ANXA8: variants seen among roughly 807,000 people sequenced by gnomAD.
ANXA8 encodes the protein VAC-beta.
ANXA8 carries 9 observed loss-of-function variants against 26.8 expected under a neutral mutation model. The observed-to-expected ratio is 0.34, with a 90% CI of 0.20 to 0.59. The LOEUF (loss-of-function observed/expected upper bound fraction) is 0.59. Among genes scored for constraint, ANXA8 ranks in the 20% least tolerant of loss-of-function variants. The pLI, the probability that ANXA8 is intolerant of heterozygous loss-of-function variation, is 0.84. For synonymous variants in ANXA8, 39 were observed against 94.8 expected, an observed-to-expected ratio of 0.41 and a Z score of 3.42; for missense variants, 83 against 238.5, an observed-to-expected ratio of 0.35 and a Z score of 4.29.
At chr10:47,973,128 G>C in the ANXA8 span, 2 of 146,610 alleles carry the variant, frequency 1.4e-5, no homozygotes, top group African/African-American at 2.5e-5. Flanking sequence ...ACACACACCT[G>C]CCTTCTCAAA....
the ANXA8 span, among the ~76,000 whole-genome samples, chr10:47,719,174 T>C: frequency 7.4e-6 from 1 of 134,800 alleles, no homozygotes. Flanking sequence ...TTTTTTTTTT[T>C]TTTGAGACGG....
the ANXA8 span, chr10:47,565,488 G>A: frequency 1.0e-5 from 4 of 394,062 alleles, no homozygotes; most frequent in East Asian, 1.4e-4. Context: ...GGCGGCCCGG[G>A]CCCAGCGACC....
At chr10:47,681,672 C>T in the ANXA8 span, among the ~76,000 whole-genome samples, 1 of 128,692 alleles carries the variant, frequency 7.8e-6, no homozygotes, top group African/African-American at 2.9e-5. Flanking sequence ...GCTGGGACTA[C>T]AGGCACATAC....
chr10:47,682,178 T>C, the ANXA8 span, among the ~76,000 whole-genome samples: 1 of 132,970 alleles, frequency 7.5e-6, no homozygotes, highest in Non-Finnish European at 1.6e-5. Flanking sequence ...TAGTATTTCA[T>C]TGTTATTTAA....
chr10:47,974,848 A>C, the ANXA8 span, among the ~76,000 whole-genome samples: 1 of 149,768 alleles, frequency 6.7e-6, no homozygotes, highest in Non-Finnish European at 1.5e-5. Flanking sequence ...TTCTGTGTAC[A>C]GATAGGAAGA....
chr10:47,948,429 A>T, the ANXA8 span, among the ~76,000 whole-genome samples: 14 of 122,480 alleles, frequency 1.1e-4, no homozygotes, highest in Non-Finnish European at 2.0e-4. Flanking sequence ...AGAAAAATTA[A>T]AAAGGAAATA....
At chr10:47,559,742 A>G in the ANXA8 span, among the ~76,000 whole-genome samples, 4 of 151,892 alleles carry the variant, frequency 2.6e-5, no homozygotes, top group Non-Finnish European at 5.9e-5. Flanking sequence ...TAAAATGAAA[A>G]TGTGTCTTCT....
intron 11 of ANXA8, among the ~76,000 whole-genome samples, chr10:47,471,033 CAG>C (rs1273127284): frequency 2.1e-5 from 1 of 48,330 alleles, no homozygotes; most frequent in Non-Finnish European, 4.0e-5. Flanking sequence ...GAGTGGGACA[CAG>C]GGGAGCCTCT....
the ANXA8 span, among the ~76,000 whole-genome samples, chr10:47,776,208 C>T: frequency 6.6e-6 from 1 of 150,506 alleles, no homozygotes; most frequent in Non-Finnish European, 1.5e-5. Flanking sequence ...AATCCTCATG[C>T]ATCCTTATAA....
At chr10:47,691,199 G>A in the ANXA8 span, 1 of 1,519,612 alleles carries the variant, frequency 6.6e-7, no homozygotes, top group Non-Finnish European at 9.1e-7. Flanking sequence ...GGCATTTACA[G>A]TGTTTCTTGG....
At chr10:47,648,336 C>T in the ANXA8 span, among the ~76,000 whole-genome samples, 2 of 151,162 alleles carry the variant, frequency 1.3e-5, no homozygotes, top group African/African-American at 4.9e-5. Flanking sequence ...AGAAATGTGG[C>T]TAAAGATCAA....
the ANXA8 span, among the ~76,000 whole-genome samples, chr10:47,664,597 T>C: frequency 1.3e-5 from 2 of 151,252 alleles, no homozygotes; most frequent in African/African-American, 2.4e-5. Context: ...ATAATAATTC[T>C]CAGTAATTTT....
At chr10:47,683,546 G>A in the ANXA8 span, among the ~76,000 whole-genome samples, 1 of 151,870 alleles carries the variant, frequency 6.6e-6, no homozygotes, top group Admixed American at 6.6e-5. Context: ...TGGGTTATTA[G>A]TACTGTGTTG....
chr10:47,747,991 C>A, the ANXA8 span, among the ~76,000 whole-genome samples: 3 of 151,958 alleles, frequency 2.0e-5, no homozygotes, highest in African/African-American at 4.8e-5. Context: ...AGAACAGAGA[C>A]AAAGAGTATG....
At chr10:47,643,616 A>T in the ANXA8 span, among the ~76,000 whole-genome samples, 1 of 145,256 alleles carries the variant, frequency 6.9e-6, no homozygotes, top group Non-Finnish European at 1.5e-5. Context: ...TTCAAAATGT[A>T]TACATGTAAA....
At chr10:47,939,604 G>A in the ANXA8 span, among the ~76,000 whole-genome samples, 1 of 145,262 alleles carries the variant, frequency 6.9e-6, no homozygotes, top group Non-Finnish European at 1.5e-5. Flanking sequence ...CGCCTCCACG[G>A]CATGTTCCAC....
At chr10:47,556,574 G>A in the ANXA8 span, among the ~76,000 whole-genome samples, 5 of 151,716 alleles carry the variant, frequency 3.3e-5, no homozygotes, top group African/African-American at 1.2e-4. Flanking sequence ...CAGGCTGTAA[G>A]TTAAATACCT....
chr10:47,697,819 C>CA, the ANXA8 span, among the ~76,000 whole-genome samples: 2 of 96,110 alleles, frequency 2.1e-5, no homozygotes, highest in Non-Finnish European at 2.1e-5. Flanking sequence ...GAAGACAGAC[C>CA]AAAAAAAATG....
the ANXA8 span, among the ~76,000 whole-genome samples, chr10:47,698,024 G>A: frequency 6.7e-6 from 1 of 148,914 alleles, no homozygotes; most frequent in East Asian, 2.0e-4. Flanking sequence ...AAAGAGCCGA[G>A]ATATATTTGT....
Sources: allele counts gnomAD v4.1 joint callset (sites outside exome capture counted in the v4.1 genomes callset), GRCh38; gene constraint gnomAD v4.1.1; transcripts MANE v1.5; gene names NCBI Gene and HGNC (gene_info 2026-07-23, HGNC 2026-07-21).